The following MIB1 variants were observed in gnomAD, a reference collection of about 807,000 sequenced individuals.
MIB1 encodes the protein E3 ubiquitin-protein ligase MIB1.
MIB1 carries 278 observed loss-of-function variants against 124.5 expected under a neutral mutation model. The observed-to-expected ratio is 2.23, with a 90% confidence interval of 2.02 to 2.47. The LOEUF is 2.47. Among genes scored for constraint, MIB1 ranks in the 30% most tolerant of loss-of-function variants. The pLI is 0.00. For synonymous variants in MIB1, 446 were observed against 429.4 expected (o/e 1.04, Z -0.48); for missense variants, 957 against 1,254.4 (o/e 0.76, Z 3.58).
In MIB1 at chr18:21,815,724, C is replaced by T. The variant is rs201850378; in HGVS notation, c.1588C>T (p.Arg530Ter). 4.0e-5 allele frequency: 64 copies of T among 1,613,948 alleles called. No individual in the cohort carries two copies. The highest frequency in any genetic ancestry group is 5.0e-5 in the Admixed American group (3 of 59,990). Residue 530 changes from arginine to a stop codon, truncating the protein, a stop_gained, in exon 11 of 21, where the codon CGA becomes TGA. Coordinates refer to ENST00000261537, the MANE Select transcript of MIB1 (RefSeq NM_020774.4). LOFTEE classifies it high-confidence loss of function. ...TGATTTGAATGCTCGAAACAAGCGC[C>T]GACAGACACCACTTCATATTGCTGT... ...SADLNARNKR[R>*]QTPLHIAVNK...
At chr18:21,755,435 G>T (rs962546389) in intron 1 of MIB1, among the ~76,000 whole-genome samples, 2 of 151,466 alleles carry the variant, frequency 1.3e-5, no homozygotes, top group Non-Finnish European at 2.9e-5. Flanking sequence ...AGGTTCAAGC[G>T]ATTGTCCTGC....
intron 10 of MIB1, among the ~76,000 whole-genome samples, chr18:21,814,129 C>A (rs1052253341): frequency 7.2e-5 from 11 of 152,080 alleles, no homozygotes; most frequent in Non-Finnish European, 1.5e-4. Context: ...CCTGCCTTCT[C>A]ATTTCTTCAG....
chr18:21,812,377 A>G (rs561617882), intron 10 of MIB1: 2 of 152,328 alleles, frequency 1.3e-5, no homozygotes, highest in East Asian at 3.9e-4. Context: ...TAAACATAAA[A>G]TTTGTGTTTT....
At chr18:21,792,681 G>C (rs1039742700) in intron 7 of MIB1, among the ~76,000 whole-genome samples, 1 of 152,122 alleles carries the variant, frequency 6.6e-6, no homozygotes, top group Non-Finnish European at 1.5e-5. Context: ...TGTAGCTGCC[G>C]TACACATATA....
chr18:21,758,434 G>A (rs755555317), intron 1 of MIB1, among the ~76,000 whole-genome samples: 5 of 152,106 alleles, frequency 3.3e-5, no homozygotes, highest in Non-Finnish European at 7.4e-5. Flanking sequence ...TTGATTTGCG[G>A]TTAAAGTTGA....
At chr18:21,834,978 A>G (rs1435746728) in intron 12 of MIB1, among the ~76,000 whole-genome samples, 4 of 152,192 alleles carry the variant, frequency 2.6e-5, no homozygotes, top group Non-Finnish European at 5.9e-5. Context: ...ATGTTCTATA[A>G]ATCTAACATT....
chr18:21,785,551 A>G (rs2041425456), intron 6 of MIB1, among the ~76,000 whole-genome samples: 1 of 152,198 alleles, frequency 6.6e-6, no homozygotes, highest in African/African-American at 2.4e-5. Context: ...GTCTCTGTGT[A>G]CATCTTTTGA....
intron 1 of MIB1, among the ~76,000 whole-genome samples, chr18:21,724,728 A>T (rs1176319740): frequency 8.0e-4 from 15 of 18,834 alleles, no homozygotes; most frequent in Non-Finnish European, 1.2e-3. Flanking sequence ...AAAAAAAAAA[A>T]TATATATATA....
At chr18:21,823,947 G>A (rs2041902382) in intron 12 of MIB1, among the ~76,000 whole-genome samples, 1 of 152,134 alleles carries the variant, frequency 6.6e-6, no homozygotes, top group Non-Finnish European at 1.5e-5. Context: ...TTTCTTTGGA[G>A]TAGCATAATC....
intron 17 of MIB1, among the ~76,000 whole-genome samples, chr18:21,851,015 A>G (rs896382237): frequency 1.2e-4 from 18 of 152,288 alleles, no homozygotes; most frequent in Non-Finnish European, 1.6e-4. Context: ...TGTGTAATCT[A>G]TTGGTAAACT....
chr18:21,850,341 GT>G (rs145313856), intron 17 of MIB1, among the ~76,000 whole-genome samples: 4,660 of 152,098 alleles, frequency 0.031, 240 homozygotes, highest in African/African-American at 0.11. Context: ...AACTCATGGA[GT>G]TTATACTCTT....
At chr18:21,715,265 AG>A (rs2040684341) in intron 1 of MIB1, among the ~76,000 whole-genome samples, 1 of 152,210 alleles carries the variant, frequency 6.6e-6, no homozygotes. Flanking sequence ...GAGAGATAAC[AG>A]TCAGTACAGC....
At chr18:21,844,274 A>G in intron 15 of MIB1, 21 bp downstream of exon 15, 1 of 1,611,438 alleles carries the variant, frequency 6.2e-7, no homozygotes, top group East Asian at 2.2e-5. Context: ...ATCATCTTTC[A>G]TTCAGTACCA....
At chr18:21,763,697 T>C (rs2041124997) in intron 1 of MIB1, among the ~76,000 whole-genome samples, 1 of 152,188 alleles carries the variant, frequency 6.6e-6, no homozygotes, top group African/African-American at 2.4e-5. Context: ...TGATCTCGTT[T>C]AGACTTTCTC....
intron 13 of MIB1, among the ~76,000 whole-genome samples, chr18:21,842,202 A>G (rs2042097438): frequency 6.6e-6 from 1 of 151,984 alleles, no homozygotes; most frequent in South Asian, 2.1e-4. Flanking sequence ...CCCATCTTGA[A>G]GAATATGACA....
chr18:21,795,641 T>G (rs72886661), intron 7 of MIB1, among the ~76,000 whole-genome samples: 3,000 of 151,828 alleles, frequency 0.02, 43 homozygotes, highest in Middle Eastern at 0.041. Context: ...AAAAGGAAAC[T>G]CCTCAAAGTG....
chr18:21,714,416 C>T (rs1257744023), intron 1 of MIB1, among the ~76,000 whole-genome samples: 1 of 150,648 alleles, frequency 6.6e-6, no homozygotes, highest in East Asian at 2.0e-4. Flanking sequence ...ATCCACAGAC[C>T]TCTACACTGC....
intron 1 of MIB1, among the ~76,000 whole-genome samples, chr18:21,744,770 T>C (rs1042155963): frequency 1.3e-5 from 2 of 152,264 alleles, no homozygotes; most frequent in African/African-American, 4.8e-5. Context: ...AGGAGGTACA[T>C]GGTGTTCGTA....
At chr18:21,773,811 T>C in intron 4 of MIB1, 83 bp downstream of exon 4, 1 of 792,062 alleles carries the variant, frequency 1.3e-6, no homozygotes, top group South Asian at 1.8e-5. Context: ...ATTTTTCCTT[T>C]GTCATCTCCC....
Sources: gnomAD v4.1 joint callset for allele counts (sites outside exome capture counted in the v4.1 genomes callset) on GRCh38, gnomAD v4.1.1 for gene constraint, MANE v1.5 for transcripts, NCBI Gene and HGNC (gene_info 2026-07-23, HGNC 2026-07-21) for gene names.